Variants in SPATA6L observed in about 807,000 individuals in gnomAD.
The protein encoded by SPATA6L is spermatogenesis associated 6 like, also known as spermatogenesis associated 6-like protein.
In SPATA6L, 68 loss-of-function variants were observed where a neutral mutation model predicts 49.2. That is an observed-to-expected ratio of 1.38 (90% confidence interval 1.14 to 1.69). SPATA6L has a LOEUF of 1.69. Ranked by LOEUF, SPATA6L falls within the 40% of genes most tolerant of loss-of-function variation. The pLI, the probability that SPATA6L is intolerant of heterozygous loss-of-function variation, is 0.00. For synonymous variants in SPATA6L, 198 were observed against 165.7 expected (o/e 1.19, Z -1.50); for missense variants, 668 against 464.3 (o/e 1.44, Z -4.03).
chr9:4,606,466 GCGT>G lies in SPATA6L; in HGVS notation c.996-1029_996-1027del, dbSNP rs1253833256. On this transcript the variant is annotated intron_variant, in intron 9 of 11. Coordinates refer to ENST00000682582, the MANE Select transcript of SPATA6L (RefSeq NM_001353486.2). ...CTGGAGATCTGAGAAGGGGCAGACT[GCGT>G]CCTCAAGTGGGTGCCTGACCCCTGA... Among the ~76,000 whole-genome samples the G allele has an allele frequency of 4.3e-5, 2 of 46,102 alleles. 1 individual carries two copies. The highest frequency in any genetic ancestry group is 1.0e-4 in the Non-Finnish European group (2 of 19,708). The allele number at this position is 46,102 out of a possible 152,430, so 30.2% of individuals were successfully genotyped here.
chr9:4,652,360 C>T (rs1587454646), intron 3 of SPATA6L, among the ~76,000 whole-genome samples: 1 of 151,506 alleles, frequency 6.6e-6, no homozygotes, highest in Non-Finnish European at 1.5e-5. Flanking sequence ...AGGCAGAGAT[C>T]TAGGCAACAA....
intron 13 of SPATA6L, among the ~76,000 whole-genome samples, chr9:4,591,400 A>C (rs1821890677): frequency 6.6e-6 from 1 of 152,256 alleles, no homozygotes; most frequent in African/African-American, 2.4e-5. Flanking sequence ...AGGTTTTCCA[A>C]AATGAATCCG....
chr9:4,595,344 C>A (rs908094996), downstream of SPATA6L, among the ~76,000 whole-genome samples: 2 of 152,142 alleles, frequency 1.3e-5, no homozygotes, highest in Non-Finnish European at 2.9e-5. Flanking sequence ...GACTCTCCTA[C>A]TCAGTTGAGG....
rs749397342 is a variant in SPATA6L, at chr9:4,604,204, T to C, written c.1155A>G (p.Ser385=). Residue 385 remains serine (S), a synonymous_variant, in exon 11 of 12, where the codon TCA becomes TCG. Coordinates refer to ENST00000682582, the MANE Select transcript of SPATA6L (RefSeq NM_001353486.2). Reference sequence around the variant, plus strand: ...CTTAAAAATATCTCTGTTCATGCAGTGAGTATTTCTTCAGAGGGTAGCTTG... The same window carrying C: ...CTTAAAAATATCTCTGTTCATGCAGCGAGTATTTCTTCAGAGGGTAGCTTG... ...ERPSYPLKKY[S]LHEQRYF The C allele has an allele frequency of 8.1e-6, 13 of 1,610,172 alleles. No individual in the cohort carries two copies. The highest frequency in any genetic ancestry group is 8.5e-7 in the Non-Finnish European group (1 of 1,177,072).
At chr9:4,620,337 C>G (rs554219823) in intron 7 of SPATA6L, among the ~76,000 whole-genome samples, 4 of 152,202 alleles carry the variant, frequency 2.6e-5, no homozygotes, top group Non-Finnish European at 5.9e-5. Context: ...TCCTTCCTAC[C>G]GGTTTTGAGC....
intron 3 of SPATA6L, among the ~76,000 whole-genome samples, chr9:4,637,247 C>T (rs1170276969): frequency 6.6e-6 from 1 of 152,102 alleles, no homozygotes; most frequent in Admixed American, 6.6e-5. Flanking sequence ...TTCTTCCTCC[C>T]TCTAAGGTTC....
chr9:4,646,971 T>C (rs1291096402), intron 3 of SPATA6L, among the ~76,000 whole-genome samples: 2 of 152,014 alleles, frequency 1.3e-5, no homozygotes, highest in Non-Finnish European at 2.9e-5. Flanking sequence ...TATTGGATAC[T>C]AGACTTAATA....
intron 3 of SPATA6L, among the ~76,000 whole-genome samples, chr9:4,654,698 C>T (rs908776333): frequency 5.9e-5 from 9 of 152,120 alleles, no homozygotes; most frequent in African/African-American, 2.2e-4. Context: ...TCGGCAGCCC[C>T]GGCTCTCTTC....
intron 4 of SPATA6L, among the ~76,000 whole-genome samples, chr9:4,634,485 T>C (rs1832356498): frequency 1.3e-5 from 2 of 152,222 alleles, no homozygotes; most frequent in Non-Finnish European, 2.9e-5. Context: ...ATAAGCTTCA[T>C]AGAAACAGAG....
At chr9:4,619,618 G>C (rs765465151) in intron 7 of SPATA6L, among the ~76,000 whole-genome samples, 1 of 152,092 alleles carries the variant, frequency 6.6e-6, no homozygotes, top group African/African-American at 2.4e-5. Flanking sequence ...TATAAACTCT[G>C]TCTCCTCTGA....
rs1365028291 is a variant in SPATA6L at position 4,610,888 on chromosome 9, A to T, written c.996-5448T>A. Among the ~76,000 whole-genome samples the T allele has an allele frequency of 3.8e-3, 571 of 151,590 alleles. 3 individuals are homozygous for T. The highest frequency in any genetic ancestry group is 0.013 in the African/African-American group (544 of 41,220). On this transcript the variant is annotated intron_variant, in intron 9 of 11. Transcript: ENST00000682582. ...CTACAAAATGGGAGAAAATTTTTGC[A>T]ACCTACTCATCTGACAAAGGGCTAA...
chr9:4,625,273 C>T, intron 6 of SPATA6L, 54 bp downstream of exon 6: 1 of 1,548,158 alleles, frequency 6.5e-7, no homozygotes, highest in South Asian at 1.3e-5. Flanking sequence ...TTCTTCCACC[C>T]TCATCCATAT....
At chr9:4,606,035 A>G (rs1006025501) in intron 9 of SPATA6L, among the ~76,000 whole-genome samples, 2 of 151,390 alleles carry the variant, frequency 1.3e-5, no homozygotes, top group Admixed American at 6.5e-5. Flanking sequence ...TTTCCGAGTC[A>G]AAGAAAGGGG....
chr9:4,651,848 T>G (rs920167493), intron 3 of SPATA6L, among the ~76,000 whole-genome samples: 3 of 152,168 alleles, frequency 2.0e-5, no homozygotes, highest in Non-Finnish European at 2.9e-5. Context: ...ATATTACAAC[T>G]AATGGTGAAA....
intron 1 of SPATA6L, chr9:4,663,021 A>T: frequency 1.9e-6 from 3 of 1,613,754 alleles, no homozygotes; most frequent in Non-Finnish European, 2.5e-6. Context: ...GGGCCATGCC[A>T]CAAGGGCCGC....
chr9:4,646,371 TA>T, intron 3 of SPATA6L: 1 of 587,462 alleles, frequency 1.7e-6, no homozygotes, highest in Non-Finnish European at 2.8e-6. Context: ...TACAGACACA[TA>T]AAGTTGTATG....
At chr9:4,617,767 C>A (rs1438214531) in intron 9 of SPATA6L, among the ~76,000 whole-genome samples, 156 bp downstream of exon 9, 3 of 152,156 alleles carry the variant, frequency 2.0e-5, no homozygotes, top group Non-Finnish European at 4.4e-5. Context: ...ATGCCTCTGA[C>A]TTTTGGGTAG....
rs1828583332 is a variant in SPATA6L, at chr9:4,618,722, C to T, written c.807+142G>A. The T allele has an allele frequency of 2.3e-5, 18 of 775,494 alleles. No homozygotes were observed. In the Admixed American group the frequency reaches 4.2e-4, roughly 18 times the overall value. 48.0% of individuals were successfully genotyped at this position (775,494 alleles called of 1,614,324 possible). ...CAAAGTATAACATGGAGTCTGGGCA[C>T]ATCTTCATACAAACACTAAACTACA... On this transcript the variant is annotated intron_variant, in intron 8 of 11. Coordinates refer to ENST00000682582, the MANE Select transcript of SPATA6L (RefSeq NM_001353486.2).
chr9:4,626,672 C>T, intron 5 of SPATA6L: 1 of 893,866 alleles, frequency 1.1e-6, no homozygotes, highest in Middle Eastern at 2.7e-4. Context: ...CTTTCTGTTA[C>T]AGTCACAAGT....
Sources: allele counts gnomAD v4.1 joint callset (sites outside exome capture counted in the v4.1 genomes callset), GRCh38; gene constraint gnomAD v4.1.1; transcripts MANE v1.5; gene names NCBI Gene and HGNC (gene_info 2026-07-23, HGNC 2026-07-21).